Variants in TRIM33 observed in about 807,000 individuals in gnomAD.
TRIM33 encodes E3 ubiquitin-protein ligase TRIM33.
In TRIM33, 20 loss-of-function variants were observed where a neutral mutation model predicts 125.4. The observed-to-expected ratio is 0.16, with a 90% CI of 0.11 to 0.23. The LOEUF (loss-of-function observed/expected upper bound fraction) is 0.23. Among genes scored for constraint, TRIM33 ranks in the 10% least tolerant of loss-of-function variants. The pLI, the probability that TRIM33 is intolerant of heterozygous loss-of-function variation, is 1.00. For missense variants in TRIM33, 920 were observed against 1,411.4 expected (o/e 0.65, Z 5.58); for synonymous variants, 564 against 513.9 (o/e 1.10, Z -1.32).
At chr1:114,420,985 A>G (rs1037655570) in intron 11 of TRIM33, among the ~76,000 whole-genome samples, 2 of 152,194 alleles carry the variant, frequency 1.3e-5, no homozygotes, top group Non-Finnish European at 2.9e-5. Flanking sequence ...ATGTCCATCA[A>G]TGGATGAATG....
chr1:114,456,784 A>G (rs1438905075), intron 4 of TRIM33, among the ~76,000 whole-genome samples: 5 of 152,162 alleles, frequency 3.3e-5, no homozygotes, highest in African/African-American at 1.2e-4. Flanking sequence ...TCATGATACT[A>G]TCAGAAACTG....
intron 11 of TRIM33, among the ~76,000 whole-genome samples, chr1:114,415,278 G>A (rs1424304521): frequency 1.3e-5 from 2 of 152,114 alleles, no homozygotes; most frequent in Non-Finnish European, 2.9e-5. Flanking sequence ...ACTACAGGCA[G>A]AGCCACTGCA....
chr1:114,424,538 C>G, intron 10 of TRIM33, 53 bp downstream of exon 10: 2 of 1,424,798 alleles, frequency 1.4e-6, no homozygotes, highest in Non-Finnish European at 1.9e-6. Flanking sequence ...AAGAAAATGA[C>G]GTCTTTTAAT....
chr1:114,431,919 G>A (rs1647973859), intron 5 of TRIM33, among the ~76,000 whole-genome samples: 1 of 152,166 alleles, frequency 6.6e-6, no homozygotes, highest in Non-Finnish European at 1.5e-5. Context: ...GCTGAAGATA[G>A]AAATCACTAA....
At chr1:114,455,496 G>A in intron 4 of TRIM33, among the ~76,000 whole-genome samples, 1 of 152,182 alleles carries the variant, frequency 6.6e-6, no homozygotes, top group South Asian at 2.1e-4. Context: ...CAGAAGTATT[G>A]TCTAAGCTTC....
At chr1:114,507,782 T>C (rs546680122) in intron 1 of TRIM33, among the ~76,000 whole-genome samples, 73 of 152,228 alleles carry the variant, frequency 4.8e-4, no homozygotes, top group Non-Finnish European at 8.2e-4. Context: ...GAATGGTATA[T>C]AGGAGTTAAT....
intron 11 of TRIM33, among the ~76,000 whole-genome samples, chr1:114,417,490 T>C (rs1653011589): frequency 6.6e-6 from 1 of 152,132 alleles, no homozygotes; most frequent in Admixed American, 6.5e-5. Flanking sequence ...CTGAATGACA[T>C]TGTTATACTG....
Position 114,457,045 on chromosome 1 carries a change from G to T in TRIM33, c.923+6059C>A, listed in dbSNP as rs1201769103. ...GCACTAAATAAGAAGCCCAGTGTTT[G>T]GTTGGGTATATCCGTGTTTTGAAGG... On this transcript the variant is annotated intron_variant, in intron 4 of 19. Transcript: ENST00000358465. Among the ~76,000 whole-genome samples the T allele has an allele frequency of 4.6e-5, 7 of 152,294 alleles. No individual in the cohort carries two copies. In the East Asian group the frequency reaches 1.3e-3, roughly 29 times the overall value.
Position 114,511,127 on chromosome 1 carries a change from T to TCGCCGC in TRIM33, c.-57_-52dup, listed in dbSNP as rs985322403. On this transcript the variant is annotated 5_prime_UTR_variant, in exon 1 of 20. Coordinates refer to ENST00000358465, the MANE Select transcript of TRIM33 (RefSeq NM_015906.4). ...CGCCCCGCGCCGCCCGCCGCCCGCG[T>TCGCCGC]CGCCGCCGCCGCCGCCCCCAGCCCC... is the stretch of plus-strand genomic sequence containing the variant. The TCGCCGC allele has an allele frequency of 6.1e-5, 67 of 1,099,350 alleles. No homozygotes were observed. Among genetic ancestry groups the TCGCCGC allele is most frequent in the Middle Eastern group, 3.9e-4 (1 of 2,552 alleles). The allele number at this position is 1,099,350 out of a possible 1,614,324, so 68.1% of individuals were successfully genotyped here. A position where few individuals can be genotyped will look rare whatever the true frequency, so the allele number is the denominator to read the frequency against.
chr1:114,414,375 C>A (rs1652795710), intron 11 of TRIM33, among the ~76,000 whole-genome samples: 1 of 152,158 alleles, frequency 6.6e-6, no homozygotes, highest in African/African-American at 2.4e-5. Context: ...CCTACCTGAT[C>A]TAGTTTCCAT....
chr1:114,408,840 A>T, intron 12 of TRIM33, 100 bp from the exon 13 acceptor site: 1 of 790,754 alleles, frequency 1.3e-6, no homozygotes, highest in East Asian at 2.9e-5. Context: ...CCCAGCTAAA[A>T]AATTATTGGA....
Position 114,399,526 on chromosome 1 carries a change from G to C in TRIM33, c.3051C>G (p.His1017Gln). The C allele has an allele frequency of 1.2e-6, 2 of 1,613,476 alleles. No homozygotes were observed. Among genetic ancestry groups the C allele is most frequent in the Non-Finnish European group, 1.7e-6 (2 of 1,179,600 alleles). Reference sequence around the variant, plus strand: ...CCACAAAGTCATCCGGGATTTGGTAGTGTTGGGAATGTTTTTTCTGAAGCT... The same window carrying C: ...CCACAAAGTCATCCGGGATTTGGTACTGTTGGGAATGTTTTTTCTGAAGCT... ...KKKLQKKHSQ[H>Q]YQIPDDFVAD... The change falls in exon 18 of 20, where the codon CAC becomes CAG. Residue 1017 changes from histidine to glutamine, a missense_variant. Coordinates refer to ENST00000358465, the MANE Select transcript of TRIM33 (RefSeq NM_015906.4).
chr1:114,413,296 C>A (rs1396738627), intron 11 of TRIM33, among the ~76,000 whole-genome samples: 1 of 152,076 alleles, frequency 6.6e-6, no homozygotes, highest in Admixed American at 6.6e-5. Context: ...CAGTGGCTCA[C>A]GCCTGTAATC....
At chr1:114,412,776 T>C (rs1652675537) in intron 11 of TRIM33, among the ~76,000 whole-genome samples, 1 of 152,226 alleles carries the variant, frequency 6.6e-6, no homozygotes, top group South Asian at 2.1e-4. Flanking sequence ...TTGGGTTGTT[T>C]CCAGTTTTTG....
chr1:114,433,949 C>T (rs1648123899), intron 4 of TRIM33, among the ~76,000 whole-genome samples: 1 of 152,160 alleles, frequency 6.6e-6, no homozygotes, highest in Non-Finnish European at 1.5e-5. Context: ...AAAAAAATTA[C>T]TCAGATAATG....
At chr1:114,450,537 GA>G (rs1340577473) in intron 4 of TRIM33, among the ~76,000 whole-genome samples, 1 of 152,062 alleles carries the variant, frequency 6.6e-6, no homozygotes, top group East Asian at 1.9e-4. Context: ...GCTGGCTTTG[GA>G]AACTAAAAAT....
At chr1:114,499,597 T>C (rs1248493807) in intron 1 of TRIM33, among the ~76,000 whole-genome samples, 1 of 152,136 alleles carries the variant, frequency 6.6e-6, no homozygotes, top group Non-Finnish European at 1.5e-5. Context: ...TACTAAGATA[T>C]AGTAAACTAA....
intron 1 of TRIM33, among the ~76,000 whole-genome samples, chr1:114,476,460 C>G (rs1338562978): frequency 2.0e-5 from 3 of 151,804 alleles, no homozygotes; most frequent in East Asian, 3.9e-4. Flanking sequence ...AAAAACAAAA[C>G]TAATAAAACT....
Position 114,510,924 on chromosome 1 carries a change from G to A in TRIM33, c.153C>T (p.Gly51=), listed in dbSNP as rs1653316382. 1.4e-6 allele frequency: 2 copies of A among 1,419,036 alleles called. No individual in the cohort carries two copies. The highest frequency in any genetic ancestry group is 1.5e-5 in the South Asian group (1 of 68,698). 87.9% of individuals were successfully genotyped at this position (1,419,036 alleles called of 1,614,324 possible). ...CCGCGCCGCCCTCAGCGCCGGCCCT[G>A]CCGCCTTCCTCCTCCTCCTCCTCCA... The part of the protein sequence containing the change: ...VLVEEEEEEG[G]RAGAEGGAAG... The change falls in exon 1 of 20, where the codon GGC becomes GGT. Residue 51 remains glycine, a synonymous_variant. Coordinates refer to ENST00000358465, the MANE Select transcript of TRIM33 (RefSeq NM_015906.4).
Sources: gnomAD v4.1 joint callset for allele counts (sites outside exome capture counted in the v4.1 genomes callset) on GRCh38, gnomAD v4.1.1 for gene constraint, MANE v1.5 for transcripts, NCBI Gene and HGNC (gene_info 2026-07-23, HGNC 2026-07-21) for gene names.